LRP1B: variants seen among roughly 807,000 people sequenced by gnomAD.
LRP1B encodes the protein low-density lipoprotein receptor-related protein 1B.
A neutral mutation model predicts 556.6 loss-of-function variants in LRP1B; 217 were observed. The ratio of observed to expected loss-of-function variants is 0.39; its 90% CI spans 0.35 to 0.44. The LOEUF is 0.44. LRP1B is among the 20% of genes least tolerant of loss of function. The pLI is 1.00. For missense variants in LRP1B, 5,053 were observed against 5,620.8 expected, an observed-to-expected ratio of 0.90 and a Z score of 3.23; for synonymous variants, 2,047 against 1,865.8, an observed-to-expected ratio of 1.10 and a Z score of -2.50.
chr2:141,114,740 G>A (rs560376891), intron 7 of LRP1B, among the ~76,000 whole-genome samples: 10 of 152,146 alleles, frequency 6.6e-5, no homozygotes, highest in East Asian at 3.9e-4. Flanking sequence ...CCTTTCCTGG[G>A]GAACTGCCCT....
intron 3 of LRP1B, among the ~76,000 whole-genome samples, chr2:141,263,233 A>G (rs963999216): frequency 6.6e-6 from 1 of 152,060 alleles, no homozygotes; most frequent in African/African-American, 2.4e-5. Context: ...GTATCATGTG[A>G]CCTTGCTAAA....
chr2:141,443,885 T>C (rs1681080256), intron 3 of LRP1B, among the ~76,000 whole-genome samples: 1 of 152,212 alleles, frequency 6.6e-6, no homozygotes, highest in African/African-American at 2.4e-5. Context: ...TTTGTTCTTT[T>C]TGCTTAGGAT....
intron 47 of LRP1B, among the ~76,000 whole-genome samples, chr2:140,529,052 A>G (rs1018543422): frequency 1.3e-5 from 2 of 151,982 alleles, no homozygotes; most frequent in African/African-American, 4.8e-5. Context: ...GGTCCAAATA[A>G]AGATAAGCCA....
At chr2:140,789,228 AC>A (rs1690020637) in intron 32 of LRP1B, among the ~76,000 whole-genome samples, 1 of 152,120 alleles carries the variant, frequency 6.6e-6, no homozygotes, top group Non-Finnish European at 1.5e-5. Flanking sequence ...GAGAAAATTC[AC>A]CTTACATTGA....
chr2:141,129,078 C>T (rs962534780), intron 7 of LRP1B, among the ~76,000 whole-genome samples: 1 of 151,810 alleles, frequency 6.6e-6, no homozygotes, highest in East Asian at 1.9e-4. Flanking sequence ...TTAAAGTAAC[C>T]AGAAATGGAA....
rs148531915 is a variant in LRP1B at position 140,747,912 on chromosome 2, C to A, written c.5758+21301G>T. ...CAGGGGTTATATGTGATTGCAAATG[C>A]GAGACTATTTTCAAGGTATGCAATT... On this transcript the variant is annotated intron_variant, in intron 35 of 90. Transcript: ENST00000389484. Among the ~76,000 whole-genome samples, 510 of 151,214 alleles carry A rather than the reference C, an allele frequency of 3.4e-3. 2 individuals carry two copies. Among genetic ancestry groups the A allele is most frequent in the Middle Eastern group, 0.017 (5 of 288 alleles).
At chr2:141,354,402 G>T (rs906968586) in intron 3 of LRP1B, among the ~76,000 whole-genome samples, 1 of 151,808 alleles carries the variant, frequency 6.6e-6, no homozygotes, top group Non-Finnish European at 1.5e-5. Flanking sequence ...CCTTTACATA[G>T]AACATAAAAG....
chr2:141,915,170 A>G (rs968398815), intron 1 of LRP1B, among the ~76,000 whole-genome samples: 2 of 152,196 alleles, frequency 1.3e-5, no homozygotes, highest in African/African-American at 4.8e-5. Flanking sequence ...AATGGAACAG[A>G]ATACAGAACC....
At chr2:141,029,290 C>A (rs1014119225) in intron 11 of LRP1B, among the ~76,000 whole-genome samples, 3 of 152,104 alleles carry the variant, frequency 2.0e-5, no homozygotes, top group African/African-American at 7.2e-5. Context: ...TCATGAACAG[C>A]AGTGATAAGG....
rs11887739 is a variant in LRP1B at position 141,395,149 on chromosome 2, G to A, written c.343+85247C>T. Among the ~76,000 whole-genome samples the A allele has an allele frequency of 8.1e-3, 1,234 of 152,156 alleles. 19 individuals carry two copies. The highest frequency in any genetic ancestry group is 0.027 in the African/African-American group (1,132 of 41,532). ...TAAAAATAAATTGAATGTAGTGTAA[G>A]TGTACAGTGTTTATATAAAGTATAC... On this transcript the variant is annotated intron_variant, in intron 3 of 90. Coordinates refer to ENST00000389484, the MANE Select transcript of LRP1B (RefSeq NM_018557.3).
intron 62 of LRP1B, among the ~76,000 whole-genome samples, chr2:140,454,929 G>A (rs1477724872): frequency 6.6e-6 from 1 of 152,132 alleles, no homozygotes; most frequent in Non-Finnish European, 1.5e-5. Context: ...GACTCAGGCA[G>A]GCATCATCTC....
At chr2:140,857,148 C>A (rs1692643672) in intron 27 of LRP1B, among the ~76,000 whole-genome samples, 1 of 151,978 alleles carries the variant, frequency 6.6e-6, no homozygotes, top group Admixed American at 6.6e-5. Flanking sequence ...CCAGTTTTTC[C>A]AATAAATTCA....
intron 1 of LRP1B, among the ~76,000 whole-genome samples, chr2:141,850,910 C>T (rs1389364145): frequency 2.6e-5 from 4 of 151,686 alleles, no homozygotes. Flanking sequence ...ATTAAACATA[C>T]TGATGGGAAT....
chr2:141,445,886 T>A (rs1200472922), intron 3 of LRP1B, among the ~76,000 whole-genome samples: 1 of 152,336 alleles, frequency 6.6e-6, no homozygotes, highest in Non-Finnish European at 1.5e-5. Context: ...GAGAAGAATA[T>A]ATATTCTGTT....
intron 3 of LRP1B, among the ~76,000 whole-genome samples, chr2:141,300,781 T>C (rs903026044): frequency 2.0e-5 from 3 of 152,224 alleles, no homozygotes; most frequent in Admixed American, 1.3e-4. Flanking sequence ...GAAGCCGCTA[T>C]GCTTTCTGTA....
chr2:141,339,854 G>A (rs531783184), intron 3 of LRP1B, among the ~76,000 whole-genome samples: 4 of 152,080 alleles, frequency 2.6e-5, no homozygotes, highest in South Asian at 4.1e-4. Context: ...TGGTGGTAAA[G>A]GCTGGGTGTT....
chr2:140,471,838 A>T (rs996312291), intron 60 of LRP1B, among the ~76,000 whole-genome samples: 5 of 152,178 alleles, frequency 3.3e-5, no homozygotes, highest in Non-Finnish European at 7.4e-5. Context: ...TTGTTCATCT[A>T]GTGTCATTAT....
intron 1 of LRP1B, among the ~76,000 whole-genome samples, chr2:141,881,951 C>T (rs531969299): frequency 6.6e-6 from 1 of 152,220 alleles, no homozygotes; most frequent in South Asian, 2.1e-4. Context: ...AGAGACTCTT[C>T]TTACTATGTT....
rs147473539 is a variant in LRP1B, at chr2:141,285,704, C to T, written c.344-31063G>A. Among the ~76,000 whole-genome samples the T allele has an allele frequency of 1.6e-3, 237 of 147,304 alleles. 1 individual carries two copies. Among genetic ancestry groups the T allele is most frequent in the African/African-American group, 5.3e-3 (217 of 40,662 alleles). ...CCCCTTACCTCAGGTAATCCGCCCA[C>T]CTCGGCCTCCCAAAGTGCTGGGATT... is the stretch of plus-strand genomic sequence containing the variant. On this transcript the variant is annotated intron_variant, in intron 3 of 90. Transcript: ENST00000389484.
Sources: gnomAD v4.1 joint callset for allele counts (sites outside exome capture counted in the v4.1 genomes callset) on GRCh38, gnomAD v4.1.1 for gene constraint, MANE v1.5 for transcripts, NCBI Gene and HGNC (gene_info 2026-07-23, HGNC 2026-07-21) for gene names.